The following CTNNA2 variants were observed in gnomAD, a reference collection of about 807,000 sequenced individuals.
CTNNA2 encodes the protein catenin alpha 2.
CTNNA2 carries 42 observed loss-of-function variants against 101.0 expected under a neutral mutation model. The ratio of observed to expected loss-of-function variants is 0.42; its 90% CI spans 0.32 to 0.54. The LOEUF is 0.54. Ranked by LOEUF, CTNNA2 falls within the 20% of genes least tolerant of loss-of-function variation. The pLI, the probability that CTNNA2 is intolerant of heterozygous loss-of-function variation, is 0.14. For synonymous variants in CTNNA2, 450 were observed against 456.4 expected (o/e 0.99, Z 0.18); for missense variants, 871 against 1,223.1 (o/e 0.71, Z 4.29).
intron 1 of CTNNA2, among the ~76,000 whole-genome samples, chr2:79,554,431 T>C (rs1674313405): frequency 6.6e-6 from 1 of 152,166 alleles, no homozygotes; most frequent in Non-Finnish European, 1.5e-5. Context: ...ATATGCTATA[T>C]AGTATTACCA....
chr2:79,802,243 T>C (rs1676223514), intron 3 of CTNNA2, among the ~76,000 whole-genome samples: 2 of 152,146 alleles, frequency 1.3e-5, no homozygotes, highest in African/African-American at 4.8e-5. Context: ...AATAGAGGGA[T>C]CACAGAAAGC....
chr2:80,577,086 T>C lies in CTNNA2; in HGVS notation c.1893+2772T>C, dbSNP rs898351321. 5.9e-5 allele frequency among the ~76,000 whole-genome samples: 9 copies of C among 152,168 alleles called. No homozygotes were observed. In the East Asian group the frequency reaches 7.7e-4, roughly 13 times the overall value. On this transcript the variant is annotated intron_variant, in intron 13 of 18. Coordinates refer to ENST00000402739, the MANE Select transcript of CTNNA2 (RefSeq NM_001282597.3). ...AGAAATAGTTCAGTATGATTAAAAATTGGTAATTCTGTCTTGGTTATTCAT... is the reference window on the plus strand; with the variant it reads ...AGAAATAGTTCAGTATGATTAAAAACTGGTAATTCTGTCTTGGTTATTCAT...
chr2:79,217,081 G>A (rs550666745), intron 2 of CTNNA2, among the ~76,000 whole-genome samples: 2 of 152,264 alleles, frequency 1.3e-5, no homozygotes, highest in Admixed American at 1.3e-4. Context: ...AGATTGAAGG[G>A]TGGCGCCAAT....
intron 2 of CTNNA2, among the ~76,000 whole-genome samples, chr2:79,699,584 T>A (rs1684857481): frequency 6.6e-6 from 1 of 151,854 alleles, no homozygotes; most frequent in Non-Finnish European, 1.5e-5. Context: ...GATCCAACTT[T>A]GCAAAGTTCT....
intron 7 of CTNNA2, among the ~76,000 whole-genome samples, chr2:80,142,144 T>C (rs1054101527): frequency 6.6e-6 from 1 of 152,168 alleles, no homozygotes; most frequent in African/African-American, 2.4e-5. Context: ...ACCTATGTCT[T>C]ATGAGCCCCT....
At chr2:80,204,105 A>G (rs1473969811) in intron 7 of CTNNA2, among the ~76,000 whole-genome samples, 1 of 152,218 alleles carries the variant, frequency 6.6e-6, no homozygotes, top group East Asian at 1.9e-4. Context: ...GGCCCGGACC[A>G]CAAAATCATT....
At chr2:80,455,601 T>A (rs939351109) in intron 9 of CTNNA2, among the ~76,000 whole-genome samples, 1 of 152,220 alleles carries the variant, frequency 6.6e-6, no homozygotes, top group Non-Finnish European at 1.5e-5. Context: ...CTTCCACATC[T>A]TTCTGGAGAG....
intron 3 of CTNNA2, among the ~76,000 whole-genome samples, chr2:79,316,484 G>A (rs1470132321): frequency 6.6e-6 from 1 of 152,010 alleles, no homozygotes; most frequent in Non-Finnish European, 1.5e-5. Context: ...CTAAGATTGT[G>A]TTGAATCTGT....
chr2:80,002,689 T>G (rs1252664571), intron 7 of CTNNA2, among the ~76,000 whole-genome samples: 1 of 152,018 alleles, frequency 6.6e-6, no homozygotes. Flanking sequence ...ACCAACAAGC[T>G]CTACTAAATT....
At chr2:79,918,547 TG>T (rs1367450556) in intron 7 of CTNNA2, among the ~76,000 whole-genome samples, 1 of 152,194 alleles carries the variant, frequency 6.6e-6, no homozygotes, top group Non-Finnish European at 1.5e-5. Context: ...TGTGCTGTCT[TG>T]GCCTTTAAAG....
chr2:79,949,605 A>AAAGT (rs3066066), intron 7 of CTNNA2, among the ~76,000 whole-genome samples: 1 of 151,510 alleles, frequency 6.6e-6, no homozygotes, highest in African/African-American at 2.4e-5. Context: ...TTGCCTCTAC[A>AAAGT]AAGTAAGTAA....
At chr2:80,555,474 CCTAGCGAT>C (rs1253594144) in intron 11 of CTNNA2, among the ~76,000 whole-genome samples, 1 of 152,226 alleles carries the variant, frequency 6.6e-6, no homozygotes, top group Admixed American at 6.5e-5. Context: ...AGGAGTGGCA[CCTAGCGAT>C]CTATGTGATG....
intron 7 of CTNNA2, among the ~76,000 whole-genome samples, chr2:80,207,459 G>A (rs896524585): frequency 1.3e-5 from 2 of 152,206 alleles, no homozygotes; most frequent in Non-Finnish European, 2.9e-5. Context: ...GAGGTGAAAT[G>A]GAGGCAGAGA....
intron 11 of CTNNA2, 78 bp from the exon 12 acceptor site, chr2:80,555,615 T>G: frequency 1.6e-4 from 129 of 801,366 alleles, no homozygotes; most frequent in Non-Finnish European, 2.3e-4. Flanking sequence ...CAAGGGCTCA[T>G]GAGAGTTGAA....
At chr2:79,586,206 C>T (rs1415337715) in intron 1 of CTNNA2, among the ~76,000 whole-genome samples, 2 of 152,160 alleles carry the variant, frequency 1.3e-5, no homozygotes, top group African/African-American at 4.8e-5. Flanking sequence ...CTCCTCTTCT[C>T]TGTGGTGTAG....
chr2:80,020,368 A>C (rs951488965), intron 7 of CTNNA2, among the ~76,000 whole-genome samples: 1 of 152,184 alleles, frequency 6.6e-6, no homozygotes, highest in Non-Finnish European at 1.5e-5. Flanking sequence ...GGTTAGCAAA[A>C]TAAACAGTGT....
chr2:79,957,889 A>G (rs1303043496), intron 7 of CTNNA2, among the ~76,000 whole-genome samples: 2 of 152,238 alleles, frequency 1.3e-5, no homozygotes, highest in African/African-American at 2.4e-5. Context: ...TTGCTTGTAC[A>G]TTAATATGAT....
intron 2 of CTNNA2, among the ~76,000 whole-genome samples, chr2:79,654,689 A>T (rs181895261): frequency 1.9e-4 from 29 of 152,290 alleles, no homozygotes; most frequent in Non-Finnish European, 3.2e-4. Flanking sequence ...AATTCCAGGG[A>T]TTAGAATGTG....
intron 7 of CTNNA2, chr2:80,163,206 C>T (rs1162656140): frequency 5.3e-6 from 6 of 1,121,550 alleles, no homozygotes; most frequent in Non-Finnish European, 8.1e-6. Context: ...AGGTTGCCCA[C>T]AAAGAACTAG....
Sources: gnomAD v4.1 joint callset for allele counts (sites outside exome capture counted in the v4.1 genomes callset) on GRCh38, gnomAD v4.1.1 for gene constraint, MANE v1.5 for transcripts, NCBI Gene and HGNC (gene_info 2026-07-23, HGNC 2026-07-21) for gene names.